The following C1orf167 variants were observed in gnomAD, a reference collection of about 807,000 sequenced individuals.
C1orf167 encodes uncharacterized protein C1orf167.
In C1orf167, 153 loss-of-function variants were observed where a neutral mutation model predicts 176.5. That is an observed-to-expected ratio of 0.87 (90% CI 0.76 to 0.99). The LOEUF (loss-of-function observed/expected upper bound fraction) is 0.99, where lower values mean the gene tolerates loss of function less well. Ranked by LOEUF, C1orf167 falls within the 50% of genes least tolerant of loss-of-function variation. C1orf167 has a pLI of 0.00. For synonymous variants in C1orf167, 594 were observed against 752.7 expected (o/e 0.79, Z 3.45); for missense variants, 1,490 against 1,817.7 (o/e 0.82, Z 3.28).
intron 12 of C1orf167, 182 bp from the exon 13 acceptor site, chr1:11,779,620 T>C (rs1477619045): frequency 5.5e-6 from 2 of 365,110 alleles, no homozygotes; most frequent in African/African-American, 4.2e-5. Flanking sequence ...CTCATCATCG[T>C]GACCCTGGGA....
intron 6 of C1orf167, among the ~76,000 whole-genome samples, chr1:11,771,094 T>G (rs1643054463): frequency 8.7e-6 from 1 of 115,394 alleles, no homozygotes; most frequent in Non-Finnish European, 1.8e-5. Context: ...TTTTTTTTTT[T>G]TTGTAGTAGA....
rs551486571 is a variant in C1orf167 at position 11,788,713 on chromosome 1, G to A, written c.4140G>A (p.Ala1380=). Residue 1380 remains alanine (A), a synonymous_variant, in exon 20 of 21, where the codon GCG becomes GCA. Coordinates refer to ENST00000688073, the MANE Select transcript of C1orf167 (RefSeq NM_001010881.2). ...TGGTGGCAGCGGATCCTGCGACTGC[G>A]AGTGGCTCAGCAGTTACAGCAGCAG... ...ADVVAADPAT[A]SGSAVTAAGR... 26 of 1,304,240 alleles carry A rather than the reference G, an allele frequency of 2.0e-5. No homozygotes were observed. The East Asian group carries it at 3.9e-4, about 19-fold the overall frequency. 80.8% of individuals were successfully genotyped at this position (1,304,240 alleles called of 1,614,324 possible).
intron 6 of C1orf167, among the ~76,000 whole-genome samples, chr1:11,770,610 A>AT (rs113478214): frequency 0.13 from 17,520 of 134,778 alleles, 1,117 homozygotes; most frequent in South Asian, 0.2. Context: ...CGCCTGGCTG[A>AT]TTTTTTTTTT....
intron 8 of C1orf167, among the ~76,000 whole-genome samples, chr1:11,773,916 AAAAT>A (rs1208887071): frequency 1.2e-5 from 1 of 81,896 alleles, no homozygotes; most frequent in Non-Finnish European, 2.9e-5. Flanking sequence ...TAATTAAAAA[AAAAT>A]AGAGACAGGG....
chr1:11,783,409 G>A (rs192140615), intron 14 of C1orf167, among the ~76,000 whole-genome samples: 3 of 152,178 alleles, frequency 2.0e-5, no homozygotes, highest in Non-Finnish European at 4.4e-5. Context: ...CACCACACCT[G>A]GCTAATTTTG....
Position 11,785,283 on chromosome 1 carries a change from C to T in C1orf167, c.3561C>T (p.Ala1187=), listed in dbSNP as rs773185522. The change falls in exon 16 of 21, where the codon GCC becomes GCT. Residue 1187 remains alanine (A), a synonymous_variant. Coordinates refer to ENST00000688073, the MANE Select transcript of C1orf167 (RefSeq NM_001010881.2). The stretch of plus-strand genomic sequence containing the variant: ...GGGTGCGGCTGGGACTGCCAGGGGC[C>T]GGCAAGGTACGCCCCAAGCCCCAGA... ...QLRVRLGLPG[A]GKTRSCWTQA... 343 of 1,285,954 alleles carry T rather than the reference C, an allele frequency of 2.7e-4. 1 individual carries two copies. Among genetic ancestry groups the T allele is most frequent in the Non-Finnish European group, 3.2e-4 (313 of 985,250 alleles). 79.7% of individuals were successfully genotyped at this position (1,285,954 alleles called of 1,614,324 possible).
intron 14 of C1orf167, among the ~76,000 whole-genome samples, chr1:11,782,851 G>A (rs940636334): frequency 6.6e-6 from 1 of 150,932 alleles, no homozygotes; most frequent in African/African-American, 2.4e-5. Context: ...TCCGGGAGGC[G>A]GAGGTTGCAG....
At chr1:11,762,918 A>G (rs1436473298) in intron 1 of C1orf167, among the ~76,000 whole-genome samples, 1 of 152,208 alleles carries the variant, frequency 6.6e-6, no homozygotes, top group Non-Finnish European at 1.5e-5. Flanking sequence ...TGCAGGGCAA[A>G]GAGAGTGAGG....
At position 11,765,913 on chromosome 1, in the gene C1orf167, T is replaced by G. The variant is rs1642768200; in HGVS notation, c.127T>G (p.Trp43Gly). The G allele has an allele frequency of 8.1e-7, 1 of 1,228,334 alleles. No individual in the cohort carries two copies. Among genetic ancestry groups the G allele is most frequent in the Non-Finnish European group, 1.0e-6 (1 of 959,498 alleles). 76.1% of individuals were successfully genotyped at this position (1,228,334 alleles called of 1,614,324 possible). A position where few individuals can be genotyped will look rare whatever the true frequency, so the allele number is the denominator to read the frequency against. Residue 43 changes from tryptophan to glycine, a missense_variant, in exon 3 of 21, where the codon TGG becomes GGG. Transcript: ENST00000688073. ...GIGLSGRHDQ[W>G]VPGCQVERGG... The stretch of plus-strand genomic sequence containing the variant: ...CGGCCTGAGTGGTAGACATGACCAG[T>G]GGGTGCCCGGGTGCCAGGTGGAGAG...
At position 11,779,034 on chromosome 1, in the gene C1orf167, C is replaced by A; in HGVS notation, c.2605C>A (p.Gln869Lys). 3 of 1,291,690 alleles carry A rather than the reference C, an allele frequency of 2.3e-6. No homozygotes were observed. Among genetic ancestry groups the A allele is most frequent in the Non-Finnish European group, 3.1e-6 (3 of 983,138 alleles). The allele number at this position is 1,291,690 out of a possible 1,614,324, so 80.0% of individuals were successfully genotyped here. A position where few individuals can be genotyped will look rare whatever the true frequency, so the allele number is the denominator to read the frequency against. ...CLLLWQARAQ[Q>K]FQGTARWYQH... ...TCTGCTCTGGCAGGCACGGGCCCAG[C>A]AGTTCCAGGGCACAGCCAGGTGGTA... The change falls in exon 12 of 21, where the codon CAG becomes AAG. Residue 869 changes from glutamine (Q) to lysine (K), a missense_variant. Coordinates refer to ENST00000688073, the MANE Select transcript of C1orf167 (RefSeq NM_001010881.2).
At chr1:11,771,051 A>G (rs61773950) in intron 6 of C1orf167, among the ~76,000 whole-genome samples, 689 of 47,714 alleles carry the variant, frequency 0.014, 17 homozygotes, top group African/African-American at 0.029. Context: ...GTGTGTGTGT[A>G]TATATATATA....
chr1:11,762,584 C>A (rs932853163), intron 1 of C1orf167, among the ~76,000 whole-genome samples: 3 of 152,184 alleles, frequency 2.0e-5, no homozygotes, highest in Non-Finnish European at 4.4e-5. Context: ...TGGAGCCAGC[C>A]CTGGGGTGCT....
chr1:11,779,485 G>A (rs1282641189), intron 12 of C1orf167: 1 of 227,680 alleles, frequency 4.4e-6, no homozygotes, highest in South Asian at 5.9e-5. Context: ...GCGAGGCACG[G>A]CACATACATT....
Position 11,778,644 on chromosome 1 carries a change from C to A in C1orf167, c.2340-16C>A. On this transcript the variant is annotated splice_polypyrimidine_tract_variant and intron_variant, in intron 10 of 20. Coordinates refer to ENST00000688073, the MANE Select transcript of C1orf167 (RefSeq NM_001010881.2). ...AGGGTGAGGCTGGGTGGGTCACTCA[C>A]CTGCCCCTTCTCTAGCTCCTTCTTC... The A allele has an allele frequency of 7.8e-7, 1 of 1,286,340 alleles. No individual in the cohort carries two copies. The allele number at this position is 1,286,340 out of a possible 1,614,324, so 79.7% of individuals were successfully genotyped here.
intron 1 of C1orf167, 42 bp from the exon 2 acceptor site, chr1:11,764,289 G>A (rs4845878): frequency 0.63 from 478,243 of 764,060 alleles, 154,141 homozygotes; most frequent in East Asian, 0.8. Context: ...AGAATGGGGT[G>A]GGGTTGAATG....
chr1:11,762,413 AG>A (rs894513263), intron 1 of C1orf167, 108 bp downstream of exon 1: 3 of 219,868 alleles, frequency 1.4e-5, no homozygotes, highest in Admixed American at 5.5e-5. Context: ...GTGGAGTGGG[AG>A]GGGGGAGTCT....
At chr1:11,775,411 G>A in intron 8 of C1orf167, 24 bp from the exon 9 acceptor site, 4 of 1,274,260 alleles carry the variant, frequency 3.1e-6, no homozygotes, top group South Asian at 1.3e-5. Flanking sequence ...AATTGACATG[G>A]GTACTTTCCC....
Position 11,765,884 on chromosome 1 carries a change from G to T in C1orf167, c.98G>T (p.Gly33Val). 1 of 1,198,620 alleles carries T rather than the reference G, an allele frequency of 8.3e-7. No individual in the cohort carries two copies. Among genetic ancestry groups the T allele is most frequent in the Non-Finnish European group, 1.1e-6 (1 of 945,586 alleles). The allele number at this position is 1,198,620 out of a possible 1,614,324, so 74.2% of individuals were successfully genotyped here. A position where few individuals can be genotyped will look rare whatever the true frequency, so the allele number is the denominator to read the frequency against. ...PEQRRFRRSL[G>V]IGLSGRHDQW... ...CAACGAAGATTCCGGAGGAGCCTGG[G>T]CATCGGCCTGAGTGGTAGACATGAC... Residue 33 changes from glycine to valine, a missense_variant, in exon 3 of 21, where the codon GGC becomes GTC. Transcript: ENST00000688073.
chr1:11,775,394 A>C (rs1284653637), intron 8 of C1orf167, 41 bp from the exon 9 acceptor site: 27 of 1,254,274 alleles, frequency 2.2e-5, no homozygotes, highest in Non-Finnish European at 2.7e-5. Context: ...CAGTCATCAG[A>C]TCTTGCAATT....
Sources: allele counts gnomAD v4.1 joint callset (sites outside exome capture counted in the v4.1 genomes callset), GRCh38; gene constraint gnomAD v4.1.1; transcripts MANE v1.5; gene names NCBI Gene and HGNC (gene_info 2026-07-23, HGNC 2026-07-21).